INTS7: variants seen among roughly 807,000 people sequenced by gnomAD.
INTS7 encodes the protein chromosome 1 open reading frame 73.
INTS7 carries 46 observed loss-of-function variants against 109.2 expected under a neutral mutation model. The ratio of observed to expected loss-of-function variants is 0.42; its 90% CI spans 0.33 to 0.54. The LOEUF (loss-of-function observed/expected upper bound fraction) is 0.54, where lower values mean the gene tolerates loss of function less well. INTS7 is among the 20% of genes least tolerant of loss of function. INTS7 has a pLI of 0.07. For missense variants in INTS7, 929 were observed against 1,132.4 expected (o/e 0.82, Z 2.58); for synonymous variants, 412 against 402.9 (o/e 1.02, Z -0.27).
chr1:211,972,468 A>G (rs1474460150), intron 13 of INTS7, among the ~76,000 whole-genome samples: 1 of 152,218 alleles, frequency 6.6e-6, no homozygotes, highest in Non-Finnish European at 1.5e-5. Context: ...ATTTTGAATT[A>G]GGGAGGTTCA....
chr1:211,993,028 G>A (rs1314231430), intron 7 of INTS7, among the ~76,000 whole-genome samples: 1 of 152,096 alleles, frequency 6.6e-6, no homozygotes, highest in East Asian at 1.9e-4. Flanking sequence ...CCCTAAATAG[G>A]GGCTTCTCCT....
At chr1:211,970,209 G>C (rs1191905915) in intron 13 of INTS7, among the ~76,000 whole-genome samples, 1 of 152,162 alleles carries the variant, frequency 6.6e-6, no homozygotes, top group Non-Finnish European at 1.5e-5. Flanking sequence ...GGGTATCAGG[G>C]GTAAGTCTTG....
rs372013150 is a variant in INTS7 at position 211,970,889 on chromosome 1, C to T, written c.1816-2182G>A. Among the ~76,000 whole-genome samples the T allele has an allele frequency of 5.9e-5, 9 of 152,298 alleles. No homozygotes were observed. In the East Asian group the frequency reaches 1.5e-3, roughly 26 times the overall value. Reference sequence around the variant, plus strand: ...GATGCACATAACCTGTGCAATTCCACTCTTAGGTAATATCTTACAGCAATA... The same window carrying T: ...GATGCACATAACCTGTGCAATTCCATTCTTAGGTAATATCTTACAGCAATA... On this transcript the variant is annotated intron_variant, in intron 13 of 19. Transcript: ENST00000366994.
At chr1:212,011,323 C>T (rs1381667349) in intron 5 of INTS7, 52 bp downstream of exon 5, 4 of 939,350 alleles carry the variant, frequency 4.3e-6, no homozygotes, top group Non-Finnish European at 6.6e-6. Flanking sequence ...GTGTTAGCAA[C>T]TATTATAAAT....
chr1:211,962,416 C>T (rs1048750775), intron 16 of INTS7, among the ~76,000 whole-genome samples: 7 of 152,280 alleles, frequency 4.6e-5, no homozygotes, highest in African/African-American at 1.7e-4. Flanking sequence ...GAGACTTAGA[C>T]TCCCACACAA....
intron 17 of INTS7, among the ~76,000 whole-genome samples, chr1:211,951,411 G>A (rs527568739): frequency 3.3e-5 from 5 of 152,246 alleles, no homozygotes; most frequent in Admixed American, 6.5e-5. Context: ...CGGTTCAAGC[G>A]ATTCTCCTGC....
chr1:211,957,938 T>A (rs1663443609), intron 16 of INTS7, among the ~76,000 whole-genome samples: 1 of 152,140 alleles, frequency 6.6e-6, no homozygotes, highest in Non-Finnish European at 1.5e-5. Flanking sequence ...TACTGTCAAA[T>A]GATATACTAC....
chr1:212,022,492 T>C (rs538799352), intron 1 of INTS7, among the ~76,000 whole-genome samples: 2 of 152,118 alleles, frequency 1.3e-5, no homozygotes, highest in South Asian at 4.2e-4. Flanking sequence ...TGAAGAGAAA[T>C]TTCATTGAGG....
chr1:211,987,983 G>C lies in INTS7; in HGVS notation c.900C>G (p.Leu300=). ...ENIQALCECA[L]QTPYDSLKLG... is the part of the protein sequence containing the mutation. ...GTTTTAAGCTGTCATAAGGAGTCTG[G>C]AGGGCACACTCACAAAGTGCCTGGA... The change falls in exon 8 of 20, where the codon CTC becomes CTG. Residue 300 remains leucine (L), a synonymous_variant. Transcript: ENST00000366994. 1 of 1,604,132 alleles carries C rather than the reference G, an allele frequency of 6.2e-7. No homozygotes were observed. The highest frequency in any genetic ancestry group is 8.5e-7 in the Non-Finnish European group (1 of 1,171,876).
At chr1:211,943,102 T>C (rs906047074) in intron 19 of INTS7, among the ~76,000 whole-genome samples, 1 of 152,102 alleles carries the variant, frequency 6.6e-6, no homozygotes. Context: ...ATTTAGCCTT[T>C]GTACAGTTTT....
At chr1:212,031,680 A>G (rs1667171903) in intron 1 of INTS7, among the ~76,000 whole-genome samples, 1 of 152,218 alleles carries the variant, frequency 6.6e-6, no homozygotes, top group Non-Finnish European at 1.5e-5. Flanking sequence ...GCCTGAGACA[A>G]TGCAGGTGGT....
At chr1:212,003,361 A>G (rs1302637713) in intron 7 of INTS7, among the ~76,000 whole-genome samples, 2 of 152,048 alleles carry the variant, frequency 1.3e-5, no homozygotes, top group Non-Finnish European at 1.5e-5. Flanking sequence ...CAGTGGCAAT[A>G]AAGAAAACCA....
chr1:211,990,363 A>G (rs1176128751), intron 7 of INTS7, among the ~76,000 whole-genome samples: 1 of 152,200 alleles, frequency 6.6e-6, no homozygotes, highest in Non-Finnish European at 1.5e-5. Context: ...GGTTTAGAAC[A>G]TGCACGTAGT....
At chr1:211,974,441 C>T (rs1026681525) in intron 13 of INTS7, among the ~76,000 whole-genome samples, 4 of 151,216 alleles carry the variant, frequency 2.6e-5, no homozygotes, top group Non-Finnish European at 4.4e-5. Flanking sequence ...TATAAATGTA[C>T]GTAAACAGGT....
At position 211,981,170 on chromosome 1, in the gene INTS7, C is replaced by T. The variant is rs751383619; in HGVS notation, c.1153G>A (p.Asp385Asn). Residue 385 changes from aspartate to asparagine, a missense_variant, in exon 10 of 20, where the codon GAT (aspartate) becomes AAT (asparagine). Transcript: ENST00000366994. The part of the protein sequence containing the change: ...QEKDLLALEQ[D>N]AVFGLESLLV... Reference sequence around the variant, plus strand: ...AGGGATTCCAGGCCAAAGACAGCATCTTGTTCCAGTGCCAAAAGATCTAGA... The same window carrying T: ...AGGGATTCCAGGCCAAAGACAGCATTTTGTTCCAGTGCCAAAAGATCTAGA... 2 of 1,612,720 alleles carry T rather than the reference C, an allele frequency of 1.2e-6. No individual in the cohort carries two copies. Among genetic ancestry groups the T allele is most frequent in the East Asian group, 2.2e-5 (1 of 44,838 alleles).
chr1:212,006,466 T>C (rs1485087910), intron 7 of INTS7, among the ~76,000 whole-genome samples, 173 bp downstream of exon 7: 1 of 152,240 alleles, frequency 6.6e-6, no homozygotes, highest in Non-Finnish European at 1.5e-5. Flanking sequence ...AAGTTTTATG[T>C]ATTTATTGTG....
At position 212,016,905 on chromosome 1, in the gene INTS7, T is replaced by A; in HGVS notation, c.490A>T (p.Asn164Tyr). The change falls in exon 4 of 20, where the codon AAC (asparagine) becomes TAC (tyrosine). Residue 164 changes from asparagine to tyrosine, a missense_variant. By Grantham distance (143) the Asn-to-Tyr change is moderately radical. Transcript: ENST00000366994. ...GCTTACTTTGACTGTGCAGAGAAGT[T>A]TGCAGCAGCAAAAACAGCAGCTTCA... ...EVEAAVFAAANFSAQSKDFAV... is the reference protein window; with the variant it reads ...EVEAAVFAAAYFSAQSKDFAV... The A allele has an allele frequency of 6.2e-7, 1 of 1,607,426 alleles. No homozygotes were observed. The highest frequency in any genetic ancestry group is 8.5e-7 in the Non-Finnish European group (1 of 1,177,794).
chr1:212,021,982 A>G (rs1003404339), intron 1 of INTS7, among the ~76,000 whole-genome samples: 3 of 152,374 alleles, frequency 2.0e-5, no homozygotes, highest in East Asian at 3.8e-4. Flanking sequence ...AGGAACATTT[A>G]TAACATTGAA....
In INTS7 at chr1:212,032,834, T is replaced by G. The variant is rs184714246; in HGVS notation, c.94+2510A>C. Reference sequence around the variant, plus strand: ...TATTACTTTGCTCCAGATAACTGCATGCAAAGGAGGCTTCTACCTCAGGGC... The same window carrying G: ...TATTACTTTGCTCCAGATAACTGCAGGCAAAGGAGGCTTCTACCTCAGGGC... On this transcript the variant is annotated intron_variant, in intron 1 of 19. Transcript: ENST00000366994. 8.5e-5 allele frequency among the ~76,000 whole-genome samples: 13 copies of G among 152,336 alleles called. No homozygotes were observed. The South Asian group carries it at 1.9e-3, about 22-fold the overall frequency.
Sources: allele counts gnomAD v4.1 joint callset (sites outside exome capture counted in the v4.1 genomes callset), GRCh38; gene constraint gnomAD v4.1.1; transcripts MANE v1.5; gene names NCBI Gene and HGNC (gene_info 2026-07-23, HGNC 2026-07-21).